The following IL13 variants were observed in gnomAD, a reference collection of about 807,000 sequenced individuals.
IL13 encodes the protein interleukin-13.
In IL13, 9 loss-of-function variants were observed where a neutral mutation model predicts 11.1. The ratio of observed to expected loss-of-function variants is 0.81; its 90% CI spans 0.49 to 1.42. The LOEUF is 1.42. IL13 is among the 40% of genes most tolerant of loss of function. The pLI is 0.00. For synonymous variants in IL13, 75 were observed against 76.9 expected (o/e 0.97, Z 0.13); for missense variants, 181 against 182.5 (o/e 0.99, Z 0.05).
intron 1 of IL13, 170 bp downstream of exon 1, chr5:132,658,530 G>A (rs939290474): frequency 7.1e-6 from 4 of 562,542 alleles, no homozygotes; most frequent in Admixed American, 3.3e-5. Context: ...TGGGCTGGGG[G>A]GCTCAGCACT....
intron 1 of IL13, chr5:132,658,718 A>C: frequency 1.3e-5 from 3 of 223,140 alleles, no homozygotes; most frequent in East Asian, 1.1e-4. Flanking sequence ...GACCATAACA[A>C]TGCAGCCATT....
Position 132,658,591 on chromosome 5 carries a change from C to T in IL13, c.174+231C>T, listed in dbSNP as rs3212142. 354 of 452,288 alleles carry T rather than the reference C, an allele frequency of 7.8e-4. 5 individuals carry two copies. The highest frequency in any genetic ancestry group is 6.6e-3 in the African/African-American group (332 of 50,264). The allele number at this position is 452,288 out of a possible 1,614,324, so 28.0% of individuals were successfully genotyped here. A position where few individuals can be genotyped will look rare whatever the true frequency, so the allele number is the denominator to read the frequency against. On this transcript the variant is annotated intron_variant, in intron 1 of 3. Coordinates refer to ENST00000304506, the MANE Select transcript of IL13 (RefSeq NM_002188.3). ...GCAGACTCCCCAGGGACTACCTGCT[C>T]TCCTGGCCTGGCCTTGTCTGCCACT...
Position 132,659,538 on chromosome 5 carries a change from C to A in IL13, c.228+67C>A, listed in dbSNP as rs1752107291. 3.2e-6 allele frequency: 5 copies of A among 1,559,850 alleles called. No individual in the cohort carries two copies. The East Asian group carries it at 1.1e-4, about 35-fold the overall frequency. ...AGGCCTTGGGCTTATCTTCTCTGAG[C>A]CTCCCTTCCATGGCTGGGGTTCCAA... On this transcript the variant is annotated intron_variant, in intron 2 of 3. Coordinates refer to ENST00000304506, the MANE Select transcript of IL13 (RefSeq NM_002188.3). The surrounding 1 kb of genome is among the most constrained non-coding windows in gnomAD (Gnocchi z 4.1).
chr5:132,658,688 G>T, intron 1 of IL13: 1 of 273,420 alleles, frequency 3.7e-6, no homozygotes, highest in Non-Finnish European at 6.9e-6. Context: ...GAACCATGTG[G>T]CATTTGCCAA....
chr5:132,660,199 GAC>G lies in IL13; in HGVS notation c.361_362del (p.Thr121GlnfsTer63). ...GCAGTTTTCCAGCTTGCATGTCCGA[GAC>G]ACCAAAATCGAGGTGGCCCAGTTTG... ...AGQFSSLHVR[D>X]TKIEVAQFVK... is the part of the protein sequence containing the mutation. On this transcript the variant is annotated frameshift_variant, in exon 4 of 4. Coordinates refer to ENST00000304506, the MANE Select transcript of IL13 (RefSeq NM_002188.3). LOFTEE classifies it high-confidence loss of function. The G allele has an allele frequency of 6.2e-7, 1 of 1,614,150 alleles. No individual in the cohort carries two copies. The highest frequency in any genetic ancestry group is 8.5e-7 in the Non-Finnish European group (1 of 1,180,014).
Position 132,660,355 on chromosome 5 carries a change from T to C in IL13, c.*73T>C. 1 of 1,563,062 alleles carries C rather than the reference T, an allele frequency of 6.4e-7. No homozygotes were observed. The highest frequency in any genetic ancestry group is 1.2e-5 in the South Asian group (1 of 85,776). The stretch of plus-strand genomic sequence containing the variant: ...GTTGCAGATTCATTTTTCTTTCTGA[T>C]GTCAAAAATGTCTTGGGTAGGCGGG... On this transcript the variant is annotated 3_prime_UTR_variant, in exon 4 of 4. Coordinates refer to ENST00000304506, the MANE Select transcript of IL13 (RefSeq NM_002188.3).
Position 132,659,456 on chromosome 5 carries a change from C to T in IL13, c.213C>T (p.Asn71=). Reference sequence around the variant, plus strand: ...ATGGCAGCATGGTATGGAGCATCAACCTGACAGCTGGCATGGTAAGGACCT... The same window carrying T: ...ATGGCAGCATGGTATGGAGCATCAATCTGACAGCTGGCATGGTAAGGACCT... The part of the protein sequence containing the change: ...LCNGSMVWSI[N]LTAGMYCAAL... Residue 71 remains asparagine (N), a synonymous_variant, in exon 2 of 4, where the codon AAC becomes AAT. Transcript: ENST00000304506. The surrounding 1 kb of genome is among the most constrained non-coding windows in gnomAD (Gnocchi z 4.1). 6.2e-7 allele frequency: 1 copy of T among 1,611,934 alleles called. No individual in the cohort carries two copies. Among genetic ancestry groups the T allele is most frequent in the South Asian group, 1.1e-5 (1 of 90,572 alleles).
At chr5:132,657,117 C>G (rs1800925), upstream of IL13, 1 of 155,762 alleles carries the variant, frequency 6.4e-6, no homozygotes, top group Non-Finnish European at 1.4e-5. Flanking sequence ...TCTAGGAAAA[C>G]GAGGGAAGAG....
chr5:132,659,863 C>T lies in IL13; in HGVS notation c.333+35C>T, dbSNP rs1433522743. ...CCCCCACCCTCTCACACCCACCCTG[C>T]ACCCCCTCCTGCCAACCCTGGGCTC... On this transcript the variant is annotated intron_variant, in intron 3 of 3. Coordinates refer to ENST00000304506, the MANE Select transcript of IL13 (RefSeq NM_002188.3). This position sits in a 1 kb window ranked among gnomAD's most constrained non-coding sequence, Gnocchi z 4.1. 6.2e-7 allele frequency: 1 copy of T among 1,606,940 alleles called. No homozygotes were observed.
In IL13 at chr5:132,660,270, A is replaced by T. The variant is rs1752126611; in HGVS notation, c.429A>T (p.Gly143=). The change falls in exon 4 of 4, where the codon GGA becomes GGT. Residue 143 remains glycine (G), a synonymous_variant. Coordinates refer to ENST00000304506, the MANE Select transcript of IL13 (RefSeq NM_002188.3). ...LLHLKKLFRE[G]QFN ...ATTTAAAGAAACTTTTTCGCGAGGG[A>T]CAGTTCAACTGAAACTTCGAAAGCA... 6.2e-7 allele frequency: 1 copy of T among 1,614,026 alleles called. No individual in the cohort carries two copies. The highest frequency in any genetic ancestry group is 8.5e-7 in the Non-Finnish European group (1 of 1,179,972).
chr5:132,658,366 T>A lies in IL13; in HGVS notation c.174+6T>A. The A allele has an allele frequency of 6.3e-7, 1 of 1,588,668 alleles. No individual in the cohort carries two copies. The highest frequency in any genetic ancestry group is 8.6e-7 in the Non-Finnish European group (1 of 1,160,144). On this transcript the variant is annotated splice_donor_region_variant and intron_variant, in intron 1 of 3. Coordinates refer to ENST00000304506, the MANE Select transcript of IL13 (RefSeq NM_002188.3). ...ACATCACCCAGAACCAGAAGGTGAGTGTCGGCTAGCCAGGGTCCTAGCTAT... is the reference window on the plus strand; with the variant it reads ...ACATCACCCAGAACCAGAAGGTGAGAGTCGGCTAGCCAGGGTCCTAGCTAT...
rs554174789 is a variant in IL13 at position 132,660,518 on chromosome 5, G to A, written c.*236G>A. On this transcript the variant is annotated 3_prime_UTR_variant, in exon 4 of 4. Coordinates refer to ENST00000304506, the MANE Select transcript of IL13 (RefSeq NM_002188.3). ...CTCCTCTGTCCAGGGCCCTGAGCTC[G>A]GTGGACCCAGGGATGACATGTCCCT... The A allele has an allele frequency of 1.9e-5, 10 of 525,748 alleles. No individual in the cohort carries two copies. The highest frequency in any genetic ancestry group is 6.9e-5 in the Admixed American group (2 of 29,006). 32.6% of individuals were successfully genotyped at this position (525,748 alleles called of 1,614,324 possible).
At position 132,660,672 on chromosome 5, in the gene IL13, T is replaced by A; in HGVS notation, c.*390T>A. 5.0e-6 allele frequency: 1 copy of A among 198,112 alleles called. No individual in the cohort carries two copies. Among genetic ancestry groups the A allele is most frequent in the Non-Finnish European group, 1.0e-5 (1 of 95,316 alleles). 12.3% of individuals were successfully genotyped at this position (198,112 alleles called of 1,614,324 possible). ...GCAGACAGCAGCTCAGGCACACTTC[T>A]TCTTGGTCTTATTTATTATTGTGTG... On this transcript the variant is annotated 3_prime_UTR_variant, in exon 4 of 4. Coordinates refer to ENST00000304506, the MANE Select transcript of IL13 (RefSeq NM_002188.3).
Position 132,659,534 on chromosome 5 carries a change from T to A in IL13, c.228+63T>A. 1 of 1,562,330 alleles carries A rather than the reference T, an allele frequency of 6.4e-7. No individual in the cohort carries two copies. The highest frequency in any genetic ancestry group is 8.8e-7 in the Non-Finnish European group (1 of 1,140,236). On this transcript the variant is annotated intron_variant, in intron 2 of 3. Coordinates refer to ENST00000304506, the MANE Select transcript of IL13 (RefSeq NM_002188.3). The surrounding 1 kb of genome is among the most constrained non-coding windows in gnomAD (Gnocchi z 4.1). ...CTCCAGGCCTTGGGCTTATCTTCTC[T>A]GAGCCTCCCTTCCATGGCTGGGGTT...
chr5:132,659,213 G>C lies in IL13; in HGVS notation c.175-205G>C, dbSNP rs373376015. On this transcript the variant is annotated intron_variant, in intron 1 of 3. Transcript: ENST00000304506. The surrounding 1 kb of genome is among the most constrained non-coding windows in gnomAD (Gnocchi z 4.1). ...GTCAATTTTTTTCTCTCAGCTCCAA[G>C]ACCCTAAACAGTGGGACCTCACCCC... 11 of 570,668 alleles carry C rather than the reference G, an allele frequency of 1.9e-5. No homozygotes were observed. The highest frequency in any genetic ancestry group is 1.9e-4 in the African/African-American group (10 of 53,114). The allele number at this position is 570,668 out of a possible 1,614,324, so 35.4% of individuals were successfully genotyped here.
chr5:132,658,220 C>G lies in IL13; in HGVS notation c.34C>G (p.Leu12Val). ...HPLLNPLLLA[L>V]GLMALLLTTV... ...GCTCCTCAATCCTCTCCTGTTGGCA[C>G]TGGGCCTCATGGCGCTTTTGTTGAC... The change falls in exon 1 of 4, where the codon CTG becomes GTG. Residue 12 changes from leucine to valine, a missense_variant. By Grantham distance (32) the Leu-to-Val change is conservative. Coordinates refer to ENST00000304506, the MANE Select transcript of IL13 (RefSeq NM_002188.3). 1 of 1,612,470 alleles carries G rather than the reference C, an allele frequency of 6.2e-7. No homozygotes were observed. Among genetic ancestry groups the G allele is most frequent in the Non-Finnish European group, 8.5e-7 (1 of 1,178,848 alleles).
In IL13 at chr5:132,659,834, G is replaced by A. The variant is rs200545256; in HGVS notation, c.333+6G>A. The A allele has an allele frequency of 3.1e-6, 5 of 1,613,050 alleles. No homozygotes were observed. The highest frequency in any genetic ancestry group is 1.1e-5 in the South Asian group (1 of 91,036). On this transcript the variant is annotated splice_donor_region_variant and intron_variant, in intron 3 of 3. Transcript: ENST00000304506. This position sits in a 1 kb window ranked among gnomAD's most constrained non-coding sequence, Gnocchi z 4.1. ...CGCACAAGGTCTCAGCTGGGGTAAG[G>A]CATCCCCCACCCTCTCACACCCACC... is the stretch of plus-strand genomic sequence containing the variant.
In IL13 at chr5:132,658,186, T is replaced by C. The variant is rs889168347; in HGVS notation, c.-1T>C. ...CGCCAAGGCCACAAGCCACCCAGCC[T>C]ATGCATCCGCTCCTCAATCCTCTCC... On this transcript the variant is annotated 5_prime_UTR_variant, in exon 1 of 4. Transcript: ENST00000304506. 1.1e-5 allele frequency: 17 copies of C among 1,594,892 alleles called. No homozygotes were observed. The highest frequency in any genetic ancestry group is 2.2e-5 in the East Asian group (1 of 44,534).
upstream of IL13, among the ~76,000 whole-genome samples, chr5:132,657,725 C>T (rs1053726450): frequency 6.6e-6 from 1 of 152,046 alleles, no homozygotes; most frequent in African/African-American, 2.4e-5. Context: ...ACTGGTTCAT[C>T]GAAAAAATAA....
Sources: gnomAD v4.1 joint callset for allele counts (sites outside exome capture counted in the v4.1 genomes callset) on GRCh38, gnomAD v4.1.1 for gene constraint, Gnocchi (gnomAD v3.1) non-coding constraint, MANE v1.5 for transcripts, NCBI Gene and HGNC (gene_info 2026-07-23, HGNC 2026-07-21) for gene names.